The following RECK variants were observed in gnomAD, a reference collection of about 807,000 sequenced individuals.
The protein encoded by RECK is reversion inducing cysteine rich protein with kazal motifs.
A neutral mutation model predicts 115.1 loss-of-function variants in RECK; 69 were observed. That is an observed-to-expected ratio of 0.60 (90% CI 0.49 to 0.73). The LOEUF is 0.73. RECK is among the 30% of genes least tolerant of loss of function. The pLI, the probability that RECK is intolerant of heterozygous loss-of-function variation, is 0.00. For missense variants in RECK, 1,047 were observed against 1,203.7 expected, an observed-to-expected ratio of 0.87 and a Z score of 1.93; for synonymous variants, 414 against 419.7, an observed-to-expected ratio of 0.99 and a Z score of 0.17.
intron 10 of RECK, among the ~76,000 whole-genome samples, chr9:36,099,711 C>T (rs888043307): frequency 2.0e-5 from 3 of 152,090 alleles, no homozygotes; most frequent in Non-Finnish European, 2.9e-5. Flanking sequence ...TCTCAAACTC[C>T]TGAGCTCAAG....
At chr9:36,079,926 A>G (rs551794996) in intron 6 of RECK, among the ~76,000 whole-genome samples, 1 of 152,278 alleles carries the variant, frequency 6.6e-6, no homozygotes, top group East Asian at 1.9e-4. Flanking sequence ...CTCTAGAGAC[A>G]CTAATTATAG....
chr9:36,093,693 C>T (rs1823243587), intron 10 of RECK, among the ~76,000 whole-genome samples: 2 of 152,102 alleles, frequency 1.3e-5, no homozygotes, highest in Admixed American at 1.3e-4. Context: ...TTGATTAAAC[C>T]TTGGCTGAAA....
At chr9:36,100,304 A>T (rs1279789576) in intron 10 of RECK, 27 bp from the exon 11 acceptor site, 6 of 1,585,768 alleles carry the variant, frequency 3.8e-6, no homozygotes, top group Non-Finnish European at 5.2e-6. Flanking sequence ...TTGCCTCTTG[A>T]TTCTTTCTGG....
intron 1 of RECK, among the ~76,000 whole-genome samples, chr9:36,046,345 G>A (rs759253154): frequency 1.1e-4 from 17 of 152,168 alleles, no homozygotes; most frequent in Non-Finnish European, 1.9e-4. Flanking sequence ...CACATTAATT[G>A]CATTTGAATT....
At chr9:36,095,907 C>T (rs1823314933) in intron 10 of RECK, among the ~76,000 whole-genome samples, 1 of 41,052 alleles carries the variant, frequency 2.4e-5, no homozygotes. Flanking sequence ...CCCGTCTTTA[C>T]TAAAAATACA....
chr9:36,055,676 C>T (rs1821494936), intron 2 of RECK, among the ~76,000 whole-genome samples: 1 of 152,212 alleles, frequency 6.6e-6, no homozygotes. Context: ...ATACCCTTAG[C>T]CACCAGGATA....
At chr9:36,057,261 C>T (rs1255611649) in intron 2 of RECK, among the ~76,000 whole-genome samples, 8 of 151,878 alleles carry the variant, frequency 5.3e-5, no homozygotes, top group Non-Finnish European at 2.9e-5. Flanking sequence ...GGTTTGATGA[C>T]AGTCTATTTT....
At chr9:36,074,350 A>G (rs1330699279) in intron 6 of RECK, among the ~76,000 whole-genome samples, 20 of 152,224 alleles carry the variant, frequency 1.3e-4, no homozygotes, top group Admixed American at 1.2e-3. Flanking sequence ...CACTGAACCA[A>G]TATATTTAAT....
At chr9:36,121,758 A>C in intron 20 of RECK, 70 bp downstream of exon 20, 1 of 1,494,148 alleles carries the variant, frequency 6.7e-7, no homozygotes, top group African/African-American at 1.4e-5. Context: ...GGGAGTGGGC[A>C]CAAACTAGGA....
Position 36,060,704 on chromosome 9 carries a change from G to T in RECK, c.271+549G>T, listed in dbSNP as rs774351118. On this transcript the variant is annotated intron_variant, in intron 4 of 20. Transcript: ENST00000377966. The stretch of plus-strand genomic sequence containing the variant: ...AGGACTATGGTTATTTCTGTGTGTG[G>T]TCTTCTTCCCTTCTGTCTTCACATT... Among the ~76,000 whole-genome samples, 185 of 151,940 alleles carry T rather than the reference G, an allele frequency of 1.2e-3. 4 individuals carry two copies. The highest frequency in any genetic ancestry group is 7.2e-4 in the Admixed American group (11 of 15,266).
At chr9:36,060,575 C>CT (rs1821716132) in intron 4 of RECK, among the ~76,000 whole-genome samples, 1 of 152,090 alleles carries the variant, frequency 6.6e-6, no homozygotes, top group African/African-American at 2.4e-5. Flanking sequence ...CTCTCTTTGA[C>CT]TTTCTTGAAA....
At chr9:36,084,393 A>G (rs1822858343) in intron 8 of RECK, among the ~76,000 whole-genome samples, 1 of 151,530 alleles carries the variant, frequency 6.6e-6, no homozygotes, top group Admixed American at 6.6e-5. Context: ...CCTGTCTAAA[A>G]AAACAAAACA....
Position 36,087,909 on chromosome 9 carries a change from C to T in RECK, c.853C>T (p.Leu285Phe), listed in dbSNP as rs781546371. ...TGTACACCCTCCTCCCTCTACAGGC[C>T]TCGATGGGGCTAAATTGCATTGTTG... The part of the protein sequence containing the change: ...VTVHPPPSTG[L>F]DGAKLHCCSK... Residue 285 changes from leucine (L) to phenylalanine (F), a missense_variant, in exon 9 of 21, where the codon CTC becomes TTC. Physicochemically the swap from Leu to Phe is conservative, Grantham distance 22. Coordinates refer to ENST00000377966, the MANE Select transcript of RECK (RefSeq NM_021111.3). 36 of 1,613,252 alleles carry T rather than the reference C, an allele frequency of 2.2e-5. No individual in the cohort carries two copies. The highest frequency in any genetic ancestry group is 2.6e-5 in the Non-Finnish European group (31 of 1,179,380).
chr9:36,121,416 T>TC (rs1264660557), intron 19 of RECK, 117 bp from the exon 20 acceptor site: 1 of 935,798 alleles, frequency 1.1e-6, no homozygotes, highest in Non-Finnish European at 1.6e-6. Context: ...GGTTGGGCCT[T>TC]CCGCTGAGGG....
intron 2 of RECK, among the ~76,000 whole-genome samples, chr9:36,055,732 A>G (rs1050046108): frequency 6.6e-6 from 1 of 152,062 alleles, no homozygotes; most frequent in South Asian, 2.1e-4. Context: ...TGGTATTCAG[A>G]GTGTATTTCC....
rs1271197316 is a variant in RECK, at chr9:36,123,697, A to G, written c.*652A>G. The G allele has an allele frequency of 6.6e-6, 1 of 152,378 alleles. No homozygotes were observed. Among genetic ancestry groups the G allele is most frequent in the African/African-American group, 2.4e-5 (1 of 41,590 alleles). 9.4% of individuals were successfully genotyped at this position (152,378 alleles called of 1,614,324 possible). The stretch of plus-strand genomic sequence containing the variant: ...ATTATATGTTGTAAGCAACAGGCTC[A>G]CTGGTCACGGATTTGTGTCTGTGAC... On this transcript the variant is annotated 3_prime_UTR_variant, in exon 21 of 21. Coordinates refer to ENST00000377966, the MANE Select transcript of RECK (RefSeq NM_021111.3).
chr9:36,093,196 A>G (rs1823224828), intron 10 of RECK, among the ~76,000 whole-genome samples: 1 of 152,226 alleles, frequency 6.6e-6, no homozygotes, highest in Admixed American at 6.5e-5. Context: ...GGTATTTGTC[A>G]GTAATTTAAC....
intron 17 of RECK, 136 bp from the exon 18 acceptor site, chr9:36,118,621 G>A: frequency 1.3e-6 from 1 of 786,722 alleles, no homozygotes; most frequent in East Asian, 2.7e-5. Flanking sequence ...GCCCACCTCA[G>A]GAACTTAAGA....
At chr9:36,056,014 TTG>T (rs1821507048) in intron 2 of RECK, among the ~76,000 whole-genome samples, 1 of 152,156 alleles carries the variant, frequency 6.6e-6, no homozygotes, top group Admixed American at 6.5e-5. Flanking sequence ...ACTCTTCCTT[TTG>T]TCTTTTTATA....
Sources: gnomAD v4.1 joint callset for allele counts (sites outside exome capture counted in the v4.1 genomes callset) on GRCh38, gnomAD v4.1.1 for gene constraint, MANE v1.5 for transcripts, NCBI Gene and HGNC (gene_info 2026-07-23, HGNC 2026-07-21) for gene names.